Variants in TAFA1 observed in about 807,000 individuals in gnomAD.
The protein encoded by TAFA1 is TAFA chemokine like family member 1.
Under a neutral mutation model 18.5 loss-of-function variants are expected in TAFA1, and 4 were observed. The ratio of observed to expected loss-of-function variants is 0.22; its 90% confidence interval spans 0.11 to 0.49. TAFA1 has a LOEUF of 0.49. TAFA1 is among the 20% of genes least tolerant of loss of function. TAFA1 has a pLI of 0.98. For synonymous variants in TAFA1, 56 were observed against 55.2 expected, an observed-to-expected ratio of 1.01 and a Z score of -0.06; for missense variants, 147 against 169.0, an observed-to-expected ratio of 0.87 and a Z score of 0.72.
intron 3 of TAFA1, among the ~76,000 whole-genome samples, chr3:68,523,841 G>T (rs983849519): frequency 6.6e-6 from 1 of 152,182 alleles, no homozygotes; most frequent in African/African-American, 2.4e-5. Flanking sequence ...GGATTTAGGT[G>T]CAGAATACCC....
At chr3:68,139,074 T>C (rs1471229036) in intron 2 of TAFA1, among the ~76,000 whole-genome samples, 3 of 152,202 alleles carry the variant, frequency 2.0e-5, no homozygotes, top group African/African-American at 7.2e-5. Flanking sequence ...TAGATGTGCA[T>C]TGATGTGCCT....
At chr3:68,331,599 G>A (rs898560713) in intron 2 of TAFA1, among the ~76,000 whole-genome samples, 2 of 152,164 alleles carry the variant, frequency 1.3e-5, no homozygotes, top group Non-Finnish European at 2.9e-5. Flanking sequence ...GCACCTTTTA[G>A]GAGGTTATTA....
At chr3:68,059,973 A>T (rs2064581289) in intron 2 of TAFA1, among the ~76,000 whole-genome samples, 1 of 152,012 alleles carries the variant, frequency 6.6e-6, no homozygotes, top group African/African-American at 2.4e-5. Context: ...GGGCTAGAGG[A>T]GCCAGCTAAG....
intron 3 of TAFA1, among the ~76,000 whole-genome samples, chr3:68,421,418 G>A (rs2070952883): frequency 6.6e-6 from 1 of 152,004 alleles, no homozygotes; most frequent in Admixed American, 6.6e-5. Flanking sequence ...TTGTTTTGGT[G>A]GCCTAGATCT....
At chr3:68,014,518 A>C (rs1204133485) in intron 2 of TAFA1, among the ~76,000 whole-genome samples, 1 of 152,336 alleles carries the variant, frequency 6.6e-6, no homozygotes, top group East Asian at 1.9e-4. Flanking sequence ...GTCAAATTGC[A>C]AAGCTCCAGA....
rs568813943 is a variant in TAFA1 at position 68,084,784 on chromosome 3, C to G, written c.118+78040C>G. On this transcript the variant is annotated intron_variant, in intron 2 of 4. Coordinates refer to ENST00000478136, the MANE Select transcript of TAFA1 (RefSeq NM_213609.4). ...TTGCACTCCAGCCTGGGAGACAGAG[C>G]AAGACTCCGTCTAAAAAAAAAAAAA... Among the ~76,000 whole-genome samples the G allele has an allele frequency of 8.1e-5, 12 of 147,802 alleles. No homozygotes were observed. In the East Asian group the frequency reaches 2.2e-3, roughly 27 times the overall value.
intron 3 of TAFA1, among the ~76,000 whole-genome samples, chr3:68,442,880 A>G (rs1370584669): frequency 6.6e-6 from 1 of 152,158 alleles, no homozygotes; most frequent in African/African-American, 2.4e-5. Context: ...CAGTAATTTC[A>G]TGTTATAGTC....
At chr3:68,538,701 G>T in intron 3 of TAFA1, 55 bp from the exon 4 acceptor site, 1 of 1,593,888 alleles carries the variant, frequency 6.3e-7, no homozygotes, top group Non-Finnish European at 8.6e-7. Flanking sequence ...CACAACGTCA[G>T]TGTTCAGGTT....
intron 2 of TAFA1, among the ~76,000 whole-genome samples, chr3:68,031,542 T>A (rs950675667): frequency 6.6e-6 from 1 of 152,150 alleles, no homozygotes; most frequent in African/African-American, 2.4e-5. Flanking sequence ...CTAGAAGGAC[T>A]GGGAAAGACC....
chr3:68,461,806 A>G (rs1454976510), intron 3 of TAFA1, among the ~76,000 whole-genome samples: 1 of 151,900 alleles, frequency 6.6e-6, no homozygotes, highest in Non-Finnish European at 1.5e-5. Flanking sequence ...TGATTTTCTG[A>G]TACTCCACCC....
At chr3:68,425,200 A>G (rs921792296) in intron 3 of TAFA1, among the ~76,000 whole-genome samples, 8 of 151,968 alleles carry the variant, frequency 5.3e-5, no homozygotes, top group Non-Finnish European at 1.2e-4. Flanking sequence ...GACAGAGAAG[A>G]TGACCTATTT....
intron 2 of TAFA1, among the ~76,000 whole-genome samples, chr3:68,051,940 A>G (rs1040978815): frequency 2.6e-5 from 4 of 152,152 alleles, no homozygotes; most frequent in African/African-American, 4.8e-5. Context: ...TATAATTTCT[A>G]TGAATATAGG....
intron 3 of TAFA1, among the ~76,000 whole-genome samples, chr3:68,421,829 CT>C (rs1207722688): frequency 2.0e-5 from 3 of 152,038 alleles, no homozygotes; most frequent in Admixed American, 6.6e-5. Context: ...TAGAGAGAAA[CT>C]TTTTTTATGA....
At chr3:68,084,193 G>T (rs1575608082) in intron 2 of TAFA1, among the ~76,000 whole-genome samples, 1 of 152,308 alleles carries the variant, frequency 6.6e-6, no homozygotes, top group Middle Eastern at 3.4e-3. Flanking sequence ...TTTCCCTGAT[G>T]GAGGAATATA....
chr3:68,128,446 C>T (rs1427322463), intron 2 of TAFA1, among the ~76,000 whole-genome samples: 1 of 152,152 alleles, frequency 6.6e-6, no homozygotes, highest in African/African-American at 2.4e-5. Flanking sequence ...AAGTAACTCA[C>T]AAGGGGACTA....
chr3:68,277,414 C>A (rs780187890), intron 2 of TAFA1, among the ~76,000 whole-genome samples: 14 of 152,072 alleles, frequency 9.2e-5, no homozygotes, highest in Non-Finnish European at 5.9e-5. Context: ...AGCATGGAAC[C>A]ATTGGTTCTA....
intron 2 of TAFA1, among the ~76,000 whole-genome samples, chr3:68,164,661 G>GTGTGTGTGTGTGT (rs57966288): frequency 6.6e-6 from 1 of 151,022 alleles, no homozygotes. Flanking sequence ...GTGTGTGTGT[G>GTGTGTGTGTGTGT]GGAGGTAGTT....
At chr3:68,079,912 G>A (rs945626094) in intron 2 of TAFA1, among the ~76,000 whole-genome samples, 1 of 152,006 alleles carries the variant, frequency 6.6e-6, no homozygotes, top group Non-Finnish European at 1.5e-5. Context: ...TGACAGTGGG[G>A]TGTTAAAGTC....
chr3:68,067,469 A>G (rs2064694615), intron 2 of TAFA1, among the ~76,000 whole-genome samples: 1 of 152,148 alleles, frequency 6.6e-6, no homozygotes. Flanking sequence ...GCTCCATGAG[A>G]GTGAGGAATG....
Sources: gnomAD v4.1 joint callset for allele counts (sites outside exome capture counted in the v4.1 genomes callset) on GRCh38, gnomAD v4.1.1 for gene constraint, MANE v1.5 for transcripts, NCBI Gene and HGNC (gene_info 2026-07-23, HGNC 2026-07-21) for gene names.